Variants in SH3KBP1 observed in about 807,000 individuals in gnomAD.
SH3KBP1 encodes SH3 domain-containing kinase-binding protein 1.
In SH3KBP1, 8 loss-of-function variants were observed where a neutral mutation model predicts 50.1. The observed-to-expected ratio is 0.16, with a 90% CI of 0.09 to 0.29. The LOEUF (loss-of-function observed/expected upper bound fraction) is 0.29. Among genes scored for constraint, SH3KBP1 ranks in the 10% least tolerant of loss-of-function variants. SH3KBP1 has a pLI of 1.00. For synonymous variants in SH3KBP1, 227 were observed against 218.6 expected, an observed-to-expected ratio of 1.04 and a Z score of -0.34; for missense variants, 377 against 535.2, an observed-to-expected ratio of 0.70 and a Z score of 2.92.
rs773677813 is a variant in SH3KBP1, at chrX:19,709,856, A to AT, written c.287-2873dup. 1.4e-3 allele frequency among the ~76,000 whole-genome samples: 156 copies of AT among 111,682 alleles called. 1 individual carries two copies. Among genetic ancestry groups the AT allele is most frequent in the African/African-American group, 5.0e-3 (153 of 30,719 alleles). ...AGGAAGTCTAAGAAAGTCATTTGTCATTTTTTTCCTCTCCTGGAATTTCAC... is the reference window on the plus strand; with the variant it reads ...AGGAAGTCTAAGAAAGTCATTTGTCATTTTTTTTCCTCTCCTGGAATTTCAC... On this transcript the variant is annotated intron_variant, in intron 3 of 17. Transcript: ENST00000397821.
chrX:19,736,139 T>C (rs2064566030), intron 3 of SH3KBP1, among the ~76,000 whole-genome samples: 1 of 111,920 alleles, frequency 8.9e-6, no homozygotes, highest in South Asian at 3.7e-4. Flanking sequence ...AATCTCTAAT[T>C]CCTTCCCAAT....
chrX:19,819,570 A>T (rs2147327214), intron 2 of SH3KBP1, among the ~76,000 whole-genome samples: 1 of 110,970 alleles, frequency 9.0e-6, no homozygotes, highest in South Asian at 3.8e-4. Context: ...GGCTGGTCTC[A>T]AAGTCCTGGG....
Position 19,781,730 on chromosome X carries a change from T to C in SH3KBP1, c.163-35289A>G, listed in dbSNP as rs187131122. Among the ~76,000 whole-genome samples, 411 of 110,707 alleles carry C rather than the reference T, an allele frequency of 3.7e-3. 1 individual carries two copies. Among genetic ancestry groups the C allele is most frequent in the Non-Finnish European group, 6.5e-3 (343 of 52,820 alleles). On this transcript the variant is annotated intron_variant, in intron 2 of 17. Coordinates refer to ENST00000397821, the MANE Select transcript of SH3KBP1 (RefSeq NM_031892.3). ...AATGGGAATTAACAATAAATGGGCA[T>C]GAAGGATGTGGATGTTATTGGGGTG...
chrX:19,647,079 T>A (rs1270735120), intron 6 of SH3KBP1, among the ~76,000 whole-genome samples: 1 of 112,305 alleles, frequency 8.9e-6, no homozygotes, highest in African/African-American at 3.2e-5. Flanking sequence ...TCATTCACAT[T>A]CCTGTTCACA....
At chrX:19,854,276 C>T (rs1304140017) in intron 1 of SH3KBP1, among the ~76,000 whole-genome samples, 1 of 110,256 alleles carries the variant, frequency 9.1e-6, no homozygotes. Context: ...CCATCACGCC[C>T]GGTTAATTTT....
intron 13 of SH3KBP1, among the ~76,000 whole-genome samples, chrX:19,561,085 A>AG (rs1266903875): frequency 9.2e-6 from 1 of 108,170 alleles, no homozygotes; most frequent in East Asian, 2.9e-4. Flanking sequence ...AAAAAAAAAA[A>AG]AAAAAAAAAG....
intron 1 of SH3KBP1, among the ~76,000 whole-genome samples, chrX:19,836,911 TC>T (rs1033322375): frequency 1.8e-5 from 2 of 111,558 alleles, no homozygotes; most frequent in African/African-American, 3.3e-5. Context: ...AAGGGACTTT[TC>T]CCCCTTTTGT....
chrX:19,836,383 C>T lies in SH3KBP1; in HGVS notation c.5-101G>A, dbSNP rs987884564. ...CAGTAAAGTAACATTAAAGGGACTT[C>T]CCCTCTACAAATATTCAAAATAACA... is the stretch of plus-strand genomic sequence containing the variant. On this transcript the variant is annotated intron_variant, in intron 1 of 17. Transcript: ENST00000397821. The T allele has an allele frequency of 6.8e-6, 5 of 733,299 alleles. No homozygotes were observed. In the Admixed American group the frequency reaches 1.4e-4, roughly 21 times the overall value. 60.4% of individuals were successfully genotyped at this position (733,299 alleles called of 1,213,427 possible). A position where few individuals can be genotyped will look rare whatever the true frequency, so the allele number is the denominator to read the frequency against.
intron 6 of SH3KBP1, among the ~76,000 whole-genome samples, chrX:19,658,689 C>T (rs1569393557): frequency 9.2e-6 from 1 of 108,996 alleles, no homozygotes; most frequent in Non-Finnish European, 1.9e-5. Context: ...CTCAGCCTCC[C>T]GAGTAGCTGC....
chrX:19,884,078 G>C (rs1481109642), intron 1 of SH3KBP1, among the ~76,000 whole-genome samples: 3 of 111,905 alleles, frequency 2.7e-5, no homozygotes, highest in Non-Finnish European at 5.6e-5. Flanking sequence ...GGGCAGTGAT[G>C]ACTCATACTC....
chrX:19,819,022 C>T (rs893099367), intron 2 of SH3KBP1, among the ~76,000 whole-genome samples: 17 of 111,562 alleles, frequency 1.5e-4, no homozygotes, highest in African/African-American at 4.6e-4. Context: ...GAAATTATGA[C>T]GAAAAACCTC....
At chrX:19,834,018 C>T (rs1314543891) in intron 2 of SH3KBP1, among the ~76,000 whole-genome samples, 2 of 111,592 alleles carry the variant, frequency 1.8e-5, no homozygotes, top group Non-Finnish European at 3.8e-5. Context: ...TATATTCCTA[C>T]AACTCCAGAA....
At chrX:19,884,011 C>T (rs897336392) in intron 1 of SH3KBP1, among the ~76,000 whole-genome samples, 2 of 111,767 alleles carry the variant, frequency 1.8e-5, no homozygotes, top group African/African-American at 6.5e-5. Context: ...TGAGATGCCC[C>T]GCGGTTCCCA....
At chrX:19,801,331 C>T (rs185811589) in intron 2 of SH3KBP1, among the ~76,000 whole-genome samples, 1 of 111,760 alleles carries the variant, frequency 8.9e-6, no homozygotes, top group East Asian at 2.8e-4. Flanking sequence ...CACTGAGCAG[C>T]TGATCACACT....
At chrX:19,866,549 G>T (rs1272344832) in intron 1 of SH3KBP1, among the ~76,000 whole-genome samples, 2 of 109,355 alleles carry the variant, frequency 1.8e-5, no homozygotes, top group Non-Finnish European at 3.8e-5. Flanking sequence ...TATTAGGCAG[G>T]TATGGTGGTG....
chrX:19,646,503 GA>G (rs1347861165), intron 6 of SH3KBP1, among the ~76,000 whole-genome samples: 1 of 112,001 alleles, frequency 8.9e-6, no homozygotes, highest in East Asian at 2.8e-4. Flanking sequence ...CGTAGCTGGG[GA>G]AATCAACCTC....
chrX:19,787,565 T>C (rs1028177509), intron 2 of SH3KBP1, among the ~76,000 whole-genome samples: 7 of 111,588 alleles, frequency 6.3e-5, no homozygotes, highest in Admixed American at 4.8e-4. Context: ...GGAAACATCA[T>C]GACATTCAGA....
intron 1 of SH3KBP1, among the ~76,000 whole-genome samples, chrX:19,874,068 A>AAAAAAAAAAAATATAT (rs1491537486): frequency 7.0e-5 from 4 of 57,035 alleles, no homozygotes; most frequent in African/African-American, 6.3e-4. Flanking sequence ...AAAAAAAAAA[A>AAAAAAAAAAAATATAT]ATATATATAT....
chrX:19,603,086 A>G (rs1362882530), intron 9 of SH3KBP1, among the ~76,000 whole-genome samples: 7 of 112,463 alleles, frequency 6.2e-5, no homozygotes, highest in Non-Finnish European at 9.4e-5. Flanking sequence ...CCAGTCAGTC[A>G]TGAAAACAAA....
Sources: gnomAD v4.1 joint callset for allele counts (sites outside exome capture counted in the v4.1 genomes callset) on GRCh38, gnomAD v4.1.1 for gene constraint, MANE v1.5 for transcripts, NCBI Gene and HGNC (gene_info 2026-07-23, HGNC 2026-07-21) for gene names.